DMRT3: variants seen among roughly 807,000 people sequenced by gnomAD.
DMRT3 encodes doublesex and mab-3 related transcription factor 3, also known as doublesex- and mab-3-related transcription factor 3.
DMRT3 carries 29 observed loss-of-function variants against 34.9 expected under a neutral mutation model. That is an observed-to-expected ratio of 0.83 (90% CI 0.62 to 1.13). The LOEUF (loss-of-function observed/expected upper bound fraction) is 1.13. Ranked by LOEUF, DMRT3 falls within the 50% of genes most tolerant of loss-of-function variation. DMRT3 has a pLI of 0.00. For synonymous variants in DMRT3, 350 were observed against 286.0 expected, an observed-to-expected ratio of 1.22 and a Z score of -2.26; for missense variants, 772 against 629.1, an observed-to-expected ratio of 1.23 and a Z score of -2.43.
intron 1 of DMRT3, among the ~76,000 whole-genome samples, chr9:984,284 T>G (rs1350282220): frequency 6.6e-6 from 1 of 152,156 alleles, no homozygotes; most frequent in Non-Finnish European, 1.5e-5. Context: ...TCAAAATGCG[T>G]GACATGATTT....
chr9:977,199 G>C lies in DMRT3; in HGVS notation c.198G>C (p.Arg66=), dbSNP rs1467540111. 1.9e-6 allele frequency: 3 copies of C among 1,609,130 alleles called. No homozygotes were observed. Among genetic ancestry groups the C allele is most frequent in the African/African-American group, 2.7e-5 (2 of 74,556 alleles). ...EKCILIIERQ[R]VMAAQVALRR... is the part of the protein sequence containing the mutation. Reference sequence around the variant, plus strand: ...GCATCCTCATCATCGAGCGGCAGCGGGTCATGGCTGCGCAGGTGGCGCTGC... The same window carrying C: ...GCATCCTCATCATCGAGCGGCAGCGCGTCATGGCTGCGCAGGTGGCGCTGC... The change falls in exon 1 of 2, where the codon CGG becomes CGC. Residue 66 remains arginine, a synonymous_variant. Coordinates refer to ENST00000190165, the MANE Select transcript of DMRT3 (RefSeq NM_021240.4).
Position 977,281 on chromosome 9 carries a change from C to G in DMRT3, c.280C>G (p.Leu94Val), listed in dbSNP as rs745352669. 2.2e-5 allele frequency: 32 copies of G among 1,452,874 alleles called. No homozygotes were observed. The highest frequency in any genetic ancestry group is 2.5e-5 in the Non-Finnish European group (27 of 1,096,998). The allele number at this position is 1,452,874 out of a possible 1,614,324, so 90.0% of individuals were successfully genotyped here. ...CCTCATCCCCGACTCGCTGCGCGCT[C>G]TGCCAGGGCCCCCGCCGCCGGGGGA... ...ESLIPDSLRA[L>V]PGPPPPGDAV... The change falls in exon 1 of 2, where the codon CTG becomes GTG. Residue 94 changes from leucine to valine, a missense_variant. By Grantham distance (32) the Leu-to-Val change is conservative. Transcript: ENST00000190165.
Position 990,135 on chromosome 9 carries a change from G to C in DMRT3, c.549G>C (p.Val183=). Residue 183 remains valine (V), a synonymous_variant, in exon 2 of 2, where the codon GTG becomes GTC. Transcript: ENST00000190165. Reference sequence around the variant, plus strand: ...CTGACCAGAGGAGTTCCCCAGATGTGGCAAAGAGTAAGGGCTGCTTCACCC... The same window carrying C: ...CTGACCAGAGGAGTTCCCCAGATGTCGCAAAGAGTAAGGGCTGCTTCACCC... ...KDTDQRSSPD[V]AKSKGCFTPE... is the part of the protein sequence containing the mutation. The C allele has an allele frequency of 6.2e-7, 1 of 1,614,056 alleles. No homozygotes were observed. Among genetic ancestry groups the C allele is most frequent in the South Asian group, 1.1e-5 (1 of 91,074 alleles).
rs373516356 is a variant in DMRT3, at chr9:990,482, C to T, written c.896C>T (p.Ser299Phe). ...RSSVTGAERT[S>F]AEPESLALPS... ...TCAGTCACGGGAGCAGAGCGAACTTCCGCAGAACCTGAGAGTCTAGCGTTG... is the reference window on the plus strand; with the variant it reads ...TCAGTCACGGGAGCAGAGCGAACTTTCGCAGAACCTGAGAGTCTAGCGTTG... Residue 299 changes from serine (S) to phenylalanine (F), a missense_variant, in exon 2 of 2, where the codon TCC becomes TTC. Transcript: ENST00000190165. 7 of 1,614,064 alleles carry T rather than the reference C, an allele frequency of 4.3e-6. No homozygotes were observed. The African/African-American group carries it at 8.0e-5, about 18-fold the overall frequency.
In DMRT3 at chr9:990,228, C is replaced by T. The variant is rs202197205; in HGVS notation, c.642C>T (p.Pro214=). 48 of 1,613,906 alleles carry T rather than the reference C, an allele frequency of 3.0e-5. No homozygotes were observed. Among genetic ancestry groups the T allele is most frequent in the South Asian group, 5.5e-5 (5 of 91,058 alleles). Residue 214 remains proline (P), a synonymous_variant, in exon 2 of 2, where the codon CCC becomes CCT. Coordinates refer to ENST00000190165, the MANE Select transcript of DMRT3 (RefSeq NM_021240.4). The stretch of plus-strand genomic sequence containing the variant: ...CTGTCCAGAAAAACGGAGGCAACCC[C>T]GAGAGCCGCCCTGACAGCCCCAAGT... The part of the protein sequence containing the change: ...GYAVQKNGGN[P]ESRPDSPKCH...
chr9:990,458 C>G lies in DMRT3; in HGVS notation c.872C>G (p.Ser291Ter). ...AVEVLLSSRS[S>*]VTGAERTSAE... ...GAAGTCCTTCTGTCCAGCCGATCCT[C>G]AGTCACGGGAGCAGAGCGAACTTCC... The change falls in exon 2 of 2, where the codon TCA becomes TGA. Residue 291 changes from serine to a stop codon, truncating the protein, a stop_gained. Coordinates refer to ENST00000190165, the MANE Select transcript of DMRT3 (RefSeq NM_021240.4). LOFTEE classifies it high-confidence loss of function. The G allele has an allele frequency of 6.2e-7, 1 of 1,614,204 alleles. No individual in the cohort carries two copies. Among genetic ancestry groups the G allele is most frequent in the Non-Finnish European group, 8.5e-7 (1 of 1,180,038 alleles).
rs1346795063 is a variant in DMRT3 at position 991,708 on chromosome 9, GA to G, written c.*710del. On this transcript the variant is annotated 3_prime_UTR_variant, in exon 2 of 2. Transcript: ENST00000190165. ...TTAATGTAGCATGTTAAGGACTCTAGAAAAAAATAAACTAAGGAGACGAGCG... is the reference window on the plus strand; with the variant it reads ...TTAATGTAGCATGTTAAGGACTCTAGAAAAAATAAACTAAGGAGACGAGCG... The G allele has an allele frequency of 1.3e-5, 2 of 152,516 alleles. No homozygotes were observed. Among genetic ancestry groups the G allele is most frequent in the African/African-American group, 4.8e-5 (2 of 41,426 alleles). 9.4% of individuals were successfully genotyped at this position (152,516 alleles called of 1,614,324 possible). A position where few individuals can be genotyped will look rare whatever the true frequency, so the allele number is the denominator to read the frequency against.
At position 986,434 on chromosome 9, in the gene DMRT3, CT is replaced by C. The variant is rs368703452; in HGVS notation, c.455-3600del. On this transcript the variant is annotated intron_variant, in intron 1 of 1. Transcript: ENST00000190165. Reference sequence around the variant, plus strand: ...AGTTAGCCTTCTGCTGTTTGATCCACTTTTTTTCTGGAGACTGAAGTGTACT... The same window carrying C: ...AGTTAGCCTTCTGCTGTTTGATCCACTTTTTTCTGGAGACTGAAGTGTACT... Among the ~76,000 whole-genome samples, 1,125 of 152,178 alleles carry C rather than the reference CT, an allele frequency of 7.4e-3. 8 individuals carry two copies. The highest frequency in any genetic ancestry group is 0.023 in the South Asian group (113 of 4,818).
At position 977,293 on chromosome 9, in the gene DMRT3, CCGCCGCCGGGGGACGCCGT is replaced by C. The variant is rs1563686486; in HGVS notation, c.300_318del (p.Gly101ArgfsTer47). 2.8e-6 allele frequency: 4 copies of C among 1,411,324 alleles called. No homozygotes were observed. Among genetic ancestry groups the C allele is most frequent in the Non-Finnish European group, 3.7e-6 (4 of 1,077,080 alleles). 87.4% of individuals were successfully genotyped at this position (1,411,324 alleles called of 1,614,324 possible). On this transcript the variant is annotated frameshift_variant, in exon 1 of 2. Coordinates refer to ENST00000190165, the MANE Select transcript of DMRT3 (RefSeq NM_021240.4). LOFTEE classifies it high-confidence loss of function. ...CTCGCTGCGCGCTCTGCCAGGGCCC[CCGCCGCCGGGGGACGCCGT>C]CGCCGCCCCGCAGCCGCCGCCAGCC...
rs202119504 is a variant in DMRT3 at position 991,048 on chromosome 9, G to A, written c.*43G>A. On this transcript the variant is annotated 3_prime_UTR_variant, in exon 2 of 2. Coordinates refer to ENST00000190165, the MANE Select transcript of DMRT3 (RefSeq NM_021240.4). ...GGTGGCCAGGTGACATTTTCTGTGCGTTTTGACCCTGAGGCATCTGAGGAG... is the reference window on the plus strand; with the variant it reads ...GGTGGCCAGGTGACATTTTCTGTGCATTTTGACCCTGAGGCATCTGAGGAG... 1,359 of 1,568,618 alleles carry A rather than the reference G, an allele frequency of 8.7e-4. 3 individuals are homozygous for A. The highest frequency in any genetic ancestry group is 4.0e-3 in the Middle Eastern group (22 of 5,542).
At chr9:987,768 A>C (rs1034932245) in intron 1 of DMRT3, among the ~76,000 whole-genome samples, 1 of 152,228 alleles carries the variant, frequency 6.6e-6, no homozygotes, top group African/African-American at 2.4e-5. Flanking sequence ...TTAAAAAATA[A>C]GGAAACTGTT....
At chr9:983,018 T>C (rs1820240828) in intron 1 of DMRT3, among the ~76,000 whole-genome samples, 1 of 152,186 alleles carries the variant, frequency 6.6e-6, no homozygotes, top group South Asian at 2.1e-4. Context: ...GTCCACCGCC[T>C]TGTGATTGTG....
intron 1 of DMRT3, among the ~76,000 whole-genome samples, chr9:984,036 A>T (rs960449306): frequency 1.3e-5 from 2 of 151,982 alleles, no homozygotes; most frequent in Non-Finnish European, 1.5e-5. Flanking sequence ...TCATTTTTTT[A>T]AAATAATTCA....
At chr9:981,273 A>AT (rs545697580) in intron 1 of DMRT3, among the ~76,000 whole-genome samples, 12 of 149,472 alleles carry the variant, frequency 8.0e-5, no homozygotes, top group Admixed American at 1.3e-4. Context: ...TTTTTTTTTA[A>AT]TTTTTTTTTC....
chr9:990,569 G>A lies in DMRT3; in HGVS notation c.983G>A (p.Trp328Ter), dbSNP rs1168247291. Residue 328 changes from tryptophan to a stop codon, truncating the protein, a stop_gained, in exon 2 of 2, where the codon TGG becomes TAG. Coordinates refer to ENST00000190165, the MANE Select transcript of DMRT3 (RefSeq NM_021240.4). LOFTEE classifies it high-confidence loss of function. The part of the protein sequence containing the change: ...LSSYPISSSK[W>*]SVGSAFRVPD... The stretch of plus-strand genomic sequence containing the variant: ...TCCTACCCCATCTCGTCTTCCAAAT[G>A]GTCTGTGGGATCAGCCTTTCGAGTC... 1 of 1,614,012 alleles carries A rather than the reference G, an allele frequency of 6.2e-7. No homozygotes were observed. Among genetic ancestry groups the A allele is most frequent in the South Asian group, 1.1e-5 (1 of 91,066 alleles).
At chr9:978,290 C>G (rs1357755800) in intron 1 of DMRT3, among the ~76,000 whole-genome samples, 1 of 152,168 alleles carries the variant, frequency 6.6e-6, no homozygotes, top group Non-Finnish European at 1.5e-5. Context: ...GCTTGGCAGG[C>G]CTGAGTTGAG....
At chr9:979,866 C>T (rs1820195822) in intron 1 of DMRT3, among the ~76,000 whole-genome samples, 1 of 152,206 alleles carries the variant, frequency 6.6e-6, no homozygotes, top group African/African-American at 2.4e-5. Flanking sequence ...CATATCAGAA[C>T]TACTCCTGAA....
Position 990,552 on chromosome 9 carries a change from C to T in DMRT3, c.966C>T (p.Pro322=). The change falls in exon 2 of 2, where the codon CCC becomes CCT. Residue 322 remains proline (P), a synonymous_variant. Transcript: ENST00000190165. ...TTGAACACACCTTGAGCTCCTACCC[C>T]ATCTCGTCTTCCAAATGGTCTGTGG... is the stretch of plus-strand genomic sequence containing the variant. ...HIFEHTLSSY[P]ISSSKWSVGS... 5 of 1,614,120 alleles carry T rather than the reference C, an allele frequency of 3.1e-6. No individual in the cohort carries two copies. The highest frequency in any genetic ancestry group is 4.2e-6 in the Non-Finnish European group (5 of 1,180,022).
At chr9:980,386 T>C (rs1021420711) in intron 1 of DMRT3, among the ~76,000 whole-genome samples, 2 of 152,324 alleles carry the variant, frequency 1.3e-5, no homozygotes, top group South Asian at 4.2e-4. Context: ...TAGTGGTTTT[T>C]ACTTCTAGTT....
Sources: allele counts gnomAD v4.1 joint callset (sites outside exome capture counted in the v4.1 genomes callset), GRCh38; gene constraint gnomAD v4.1.1; transcripts MANE v1.5; gene names NCBI Gene and HGNC (gene_info 2026-07-23, HGNC 2026-07-21).